Variants in ANXA6 observed in about 807,000 individuals in gnomAD.
ANXA6 encodes annexin A6.
A neutral mutation model predicts 95.4 loss-of-function variants in ANXA6; 71 were observed. That is an observed-to-expected ratio of 0.74 (90% confidence interval 0.61 to 0.91). The LOEUF is 0.91. Among genes scored for constraint, ANXA6 ranks in the 40% least tolerant of loss-of-function variants. The probability of loss-of-function intolerance (pLI) is 0.00; values close to 1 mark genes in which losing one functional copy is unlikely to be tolerated. For missense variants in ANXA6, 830 were observed against 876.4 expected, an observed-to-expected ratio of 0.95 and a Z score of 0.67; for synonymous variants, 289 against 315.9, an observed-to-expected ratio of 0.91 and a Z score of 0.90.
intron 3 of ANXA6, 104 bp from the exon 4 acceptor site, chr5:151,139,551 C>T (rs1037745770): frequency 1.3e-6 from 1 of 762,620 alleles, no homozygotes; most frequent in Non-Finnish European, 2.3e-6. Context: ...CCCTGCAGGC[C>T]TCAGCATGAG....
intron 7 of ANXA6, among the ~76,000 whole-genome samples, chr5:151,135,295 T>G (rs1765626979): frequency 6.6e-6 from 1 of 152,060 alleles, no homozygotes; most frequent in African/African-American, 2.4e-5. Flanking sequence ...TACAAAACGC[T>G]TGACTCCAAG....
intron 17 of ANXA6, among the ~76,000 whole-genome samples, chr5:151,119,665 A>G (rs891383831): frequency 1.6e-4 from 24 of 152,222 alleles, no homozygotes; most frequent in African/African-American, 4.6e-4. Context: ...TATACACATG[A>G]ACATCTGAAT....
chr5:151,126,964 G>A (rs892908659), intron 13 of ANXA6, among the ~76,000 whole-genome samples: 4 of 152,180 alleles, frequency 2.6e-5, no homozygotes, highest in African/African-American at 7.2e-5. Context: ...TGATCCGCCC[G>A]CCTCAGCCTC....
chr5:151,129,282 C>T, intron 12 of ANXA6, 125 bp downstream of exon 12: 2 of 1,224,784 alleles, frequency 1.6e-6, no homozygotes, highest in East Asian at 4.9e-5. Context: ...AAGGCAGGAG[C>T]TCCTGGAATG....
intron 1 of ANXA6, among the ~76,000 whole-genome samples, chr5:151,155,914 G>C (rs1482548932): frequency 6.6e-6 from 1 of 152,194 alleles, no homozygotes; most frequent in Non-Finnish European, 1.5e-5. Flanking sequence ...GGATGCTGCA[G>C]TGCGGATGTG....
chr5:151,152,336 T>A (rs1766127757), intron 1 of ANXA6, among the ~76,000 whole-genome samples: 1 of 152,206 alleles, frequency 6.6e-6, no homozygotes, highest in Non-Finnish European at 1.5e-5. Context: ...CCCAAACATT[T>A]ACAATGGAGG....
In ANXA6 at chr5:151,126,478, G is replaced by A; in HGVS notation, c.980C>T (p.Ala327Val). ...LLKLSGGDDDAAGQFFPEAAQ... is the reference protein window; with the variant it reads ...LLKLSGGDDDVAGQFFPEAAQ... ...TGCCTCCGGGAAGAACTGGCCAGCA[G>A]CACTGGAATGGAGGGGTTTAGGGAG... The change falls in exon 14 of 26, where the codon GCT becomes GTT. Residue 327 changes from alanine to valine, a missense_variant and splice_region_variant. Transcript: ENST00000354546. 6.2e-7 allele frequency: 1 copy of A among 1,607,904 alleles called. No individual in the cohort carries two copies.
At chr5:151,111,458 A>G (rs1200966960) in intron 20 of ANXA6, among the ~76,000 whole-genome samples, 1 of 152,352 alleles carries the variant, frequency 6.6e-6, no homozygotes, top group Middle Eastern at 3.4e-3. Context: ...TTTTCATTGC[A>G]TAATTGGCAA....
At chr5:151,148,168 T>A (rs1171096783) in intron 1 of ANXA6, among the ~76,000 whole-genome samples, 1 of 151,990 alleles carries the variant, frequency 6.6e-6, no homozygotes, top group South Asian at 2.1e-4. Flanking sequence ...AGGGCGGGCA[T>A]GGCACTGACC....
intron 9 of ANXA6, 104 bp from the exon 10 acceptor site, chr5:151,132,675 C>T (rs1765550426): frequency 1.1e-6 from 1 of 914,542 alleles, no homozygotes; most frequent in Non-Finnish European, 1.7e-6. Flanking sequence ...GACGACTGTC[C>T]ACCATGAAGC....
At chr5:151,108,582 T>G (rs756716632) in intron 22 of ANXA6, 32 bp from the exon 23 acceptor site, 1 of 1,591,938 alleles carries the variant, frequency 6.3e-7, no homozygotes, top group Non-Finnish European at 8.6e-7. Flanking sequence ...GAGGTGGGGG[T>G]GAGCTTCAGT....
intron 13 of ANXA6, 92 bp downstream of exon 13, chr5:151,128,089 A>G (rs1765379174): frequency 8.8e-7 from 1 of 1,135,784 alleles, no homozygotes; most frequent in African/African-American, 1.5e-5. Flanking sequence ...TCCCCAGCTC[A>G]TCCAATCCAC....
At chr5:151,112,697 G>A (rs113689726) in intron 20 of ANXA6, among the ~76,000 whole-genome samples, 4 of 152,206 alleles carry the variant, frequency 2.6e-5, no homozygotes, top group African/African-American at 4.8e-5. Context: ...GGTGGCGCAC[G>A]CCGTTATTCC....
intron 2 of ANXA6, 143 bp from the exon 3 acceptor site, chr5:151,140,386 G>T (rs567648756): frequency 3.2e-5 from 22 of 692,008 alleles, no homozygotes; most frequent in Non-Finnish European, 2.5e-5. Flanking sequence ...TACACCCTGG[G>T]GAGCGGTGTG....
At chr5:151,117,265 AC>A in intron 19 of ANXA6, 85 bp from the exon 20 acceptor site, 1 of 1,325,016 alleles carries the variant, frequency 7.5e-7, no homozygotes. Flanking sequence ...GCTCATTTTC[AC>A]CTCTCTGAAT....
chr5:151,149,773 C>A (rs1408326668), intron 1 of ANXA6, among the ~76,000 whole-genome samples: 1 of 152,186 alleles, frequency 6.6e-6, no homozygotes, highest in Non-Finnish European at 1.5e-5. Context: ...CGTGAGCCAC[C>A]AAGCCTGGCC....
chr5:151,140,091 G>C, intron 3 of ANXA6, 62 bp downstream of exon 3: 2 of 1,489,760 alleles, frequency 1.3e-6, no homozygotes, highest in Non-Finnish European at 1.9e-6. Flanking sequence ...CACCAGAAGG[G>C]CTCTGGGCTG....
At position 151,103,806 on chromosome 5, in the gene ANXA6, C is replaced by T. The variant is rs149032189; in HGVS notation, c.1840-114G>A. The T allele has an allele frequency of 1.1e-3, 1,353 of 1,275,250 alleles. 15 individuals are homozygous for T. The highest frequency in any genetic ancestry group is 2.3e-4 in the Non-Finnish European group (221 of 962,346). The allele number at this position is 1,275,250 out of a possible 1,614,324, so 79.0% of individuals were successfully genotyped here. ...TCCCTTGTTCCTTCCAAAAACAGGG[C>T]GGATGTTCCACCTCTGTCTTCTGCA... On this transcript the variant is annotated intron_variant, in intron 24 of 25. Coordinates refer to ENST00000354546, the MANE Select transcript of ANXA6 (RefSeq NM_001155.5).
chr5:151,134,941 G>A (rs1039621944), intron 7 of ANXA6, among the ~76,000 whole-genome samples: 1 of 152,234 alleles, frequency 6.6e-6, no homozygotes, highest in Non-Finnish European at 1.5e-5. Flanking sequence ...TCACCAATAA[G>A]GATTTGGGAC....
Sources: allele counts gnomAD v4.1 joint callset (sites outside exome capture counted in the v4.1 genomes callset), GRCh38; gene constraint gnomAD v4.1.1; transcripts MANE v1.5; gene names NCBI Gene and HGNC (gene_info 2026-07-23, HGNC 2026-07-21).